ESR2: variants seen among roughly 807,000 people sequenced by gnomAD.
ESR2 encodes the protein estrogen receptor 2.
In ESR2, 36 loss-of-function variants were observed where a neutral mutation model predicts 49.6. The observed-to-expected ratio is 0.73, with a 90% CI of 0.56 to 0.96. ESR2 has a LOEUF of 0.96. Ranked by LOEUF, ESR2 falls within the 40% of genes least tolerant of loss-of-function variation. ESR2 has a pLI of 0.00. For synonymous variants in ESR2, 320 were observed against 266.1 expected, an observed-to-expected ratio of 1.20 and a Z score of -1.97; for missense variants, 714 against 693.0, an observed-to-expected ratio of 1.03 and a Z score of -0.34.
intron 5 of ESR2, among the ~76,000 whole-genome samples, chr14:64,259,379 C>G (rs1002446881): frequency 6.6e-6 from 1 of 152,182 alleles, no homozygotes; most frequent in Non-Finnish European, 1.5e-5. Context: ...CCAGTGCAGT[C>G]GCTGCCCTCC....
upstream of ESR2, among the ~76,000 whole-genome samples, chr14:64,295,229 A>G: frequency 6.6e-6 from 1 of 152,168 alleles, no homozygotes; most frequent in Admixed American, 6.5e-5. Context: ...TGCCTAATTA[A>G]TCATCAAACC....
Position 64,231,812 on chromosome 14 carries a change from C to T in ESR2, c.*1325G>A, listed in dbSNP as rs963690616. 3 of 152,232 alleles carry T rather than the reference C, an allele frequency of 2.0e-5. No homozygotes were observed. The highest frequency in any genetic ancestry group is 7.2e-5 in the African/African-American group (3 of 41,530). 9.4% of individuals were successfully genotyped at this position (152,232 alleles called of 1,614,324 possible). A position where few individuals can be genotyped will look rare whatever the true frequency, so the allele number is the denominator to read the frequency against. On this transcript the variant is annotated 3_prime_UTR_variant, in exon 9 of 9. Transcript: ENST00000341099. ...TCATTTTACATATTCACCGTGTATCCAAAACTGGAAATTTCACATCTTTTA... is the reference window on the plus strand; with the variant it reads ...TCATTTTACATATTCACCGTGTATCTAAAACTGGAAATTTCACATCTTTTA...
At chr14:64,297,525 C>T (rs2076972552), upstream of ESR2, 1 of 152,320 alleles carries the variant, frequency 6.6e-6, no homozygotes, top group African/African-American at 2.4e-5. Context: ...CCACAGCCCT[C>T]ATCTTACCTG....
At chr14:64,319,657 C>A (rs935379959) in intron 1 of ESR2, among the ~76,000 whole-genome samples, 11 of 152,044 alleles carry the variant, frequency 7.2e-5, no homozygotes, top group Non-Finnish European at 5.9e-5. Flanking sequence ...ATACAGATGG[C>A]AAATAAGCAT....
intron 7 of ESR2, among the ~76,000 whole-genome samples, chr14:64,249,343 A>T (rs906179404): frequency 1.3e-5 from 2 of 152,190 alleles, no homozygotes; most frequent in South Asian, 2.1e-4. Context: ...ATTGCCAGTC[A>T]TTCACTTAAT....
intron 2 of ESR2, among the ~76,000 whole-genome samples, chr14:64,281,658 A>G (rs2076671015): frequency 6.6e-6 from 1 of 152,206 alleles, no homozygotes; most frequent in African/African-American, 2.4e-5. Context: ...CTTTCTCATT[A>G]TACTATCCAT....
intron 3 of ESR2, among the ~76,000 whole-genome samples, chr14:64,269,556 A>G (rs890621999): frequency 6.6e-6 from 1 of 152,168 alleles, no homozygotes; most frequent in Non-Finnish European, 1.5e-5. Context: ...AGCCAATGAT[A>G]TATCAATAGA....
At chr14:64,238,959 T>C (rs1456803965) in intron 7 of ESR2, among the ~76,000 whole-genome samples, 1 of 152,220 alleles carries the variant, frequency 6.6e-6, no homozygotes, top group Admixed American at 6.5e-5. Context: ...TTGCCACGTC[T>C]GATTTGTTCA....
chr14:64,261,232 C>CTTTCTTTTTTTTTTTTTTT (rs1555577156), intron 4 of ESR2, among the ~76,000 whole-genome samples: 6 of 88,682 alleles, frequency 6.8e-5, no homozygotes, highest in African/African-American at 1.4e-4. Flanking sequence ...TTTTATTTTT[C>CTTTCTTTTTTTTTTTTTTT]TTTTTTCTTT....
chr14:64,315,243 C>CAAAAAAAA (rs201805001), intron 1 of ESR2, among the ~76,000 whole-genome samples: 1 of 46,800 alleles, frequency 2.1e-5, no homozygotes. Flanking sequence ...GAGTCTGTCT[C>CAAAAAAAA]AAAAAAAAAA....
At chr14:64,333,806 A>G (rs1159490482) in intron 1 of ESR2, among the ~76,000 whole-genome samples, 1 of 152,186 alleles carries the variant, frequency 6.6e-6, no homozygotes, top group Non-Finnish European at 1.5e-5. Flanking sequence ...ACAATTCAAG[A>G]TGAGATTTGG....
chr14:64,300,231 G>T (rs936959789), intron 1 of ESR2, among the ~76,000 whole-genome samples: 1 of 152,142 alleles, frequency 6.6e-6, no homozygotes, highest in Non-Finnish European at 1.5e-5. Context: ...AGGAACACAG[G>T]TCATCTGACT....
At chr14:64,319,955 T>G (rs2077305889) in intron 1 of ESR2, among the ~76,000 whole-genome samples, 1 of 152,178 alleles carries the variant, frequency 6.6e-6, no homozygotes, top group Non-Finnish European at 1.5e-5. Flanking sequence ...AAGTGAAAAT[T>G]TATGTCCACA....
chr14:64,252,925 T>C (rs2076018729), intron 6 of ESR2, among the ~76,000 whole-genome samples: 1 of 152,122 alleles, frequency 6.6e-6, no homozygotes, highest in African/African-American at 2.4e-5. Context: ...GCATGATCTC[T>C]GCTCTCTGCA....
intron 1 of ESR2, among the ~76,000 whole-genome samples, chr14:64,315,951 C>T (rs990308690): frequency 1.7e-4 from 26 of 152,100 alleles, no homozygotes; most frequent in African/African-American, 6.3e-4. Flanking sequence ...CCACGCCTGG[C>T]CTTAAGCAGA....
intron 7 of ESR2, among the ~76,000 whole-genome samples, chr14:64,246,926 G>C (rs1235849287): frequency 1.3e-5 from 2 of 151,988 alleles, no homozygotes; most frequent in East Asian, 1.9e-4. Context: ...GCCAGATTGA[G>C]ACTTAACTAG....
chr14:64,287,338 G>A (rs1050755204), intron 1 of ESR2, among the ~76,000 whole-genome samples: 3 of 152,164 alleles, frequency 2.0e-5, no homozygotes, highest in African/African-American at 4.8e-5. Context: ...GATACACCTA[G>A]CCAATCAATC....
chr14:64,227,860 G>C, downstream of ESR2: 1 of 1,594,416 alleles, frequency 6.3e-7, no homozygotes, highest in Non-Finnish European at 8.5e-7. Context: ...TTGCCCACAT[G>C]CAAGGGACAT....
chr14:64,243,148 ATT>A (rs2075774206), intron 7 of ESR2, among the ~76,000 whole-genome samples: 1 of 152,162 alleles, frequency 6.6e-6, no homozygotes, highest in Non-Finnish European at 1.5e-5. Flanking sequence ...ATCACTTGGT[ATT>A]ATTCCTTCCT....
Sources: gnomAD v4.1 joint callset for allele counts (sites outside exome capture counted in the v4.1 genomes callset) on GRCh38, gnomAD v4.1.1 for gene constraint, MANE v1.5 for transcripts, NCBI Gene and HGNC (gene_info 2026-07-23, HGNC 2026-07-21) for gene names.